GRIK5: variants seen among roughly 807,000 people sequenced by gnomAD.
GRIK5 encodes the protein glutamate receptor ionotropic, kainate 5.
In GRIK5, 43 loss-of-function variants were observed where a neutral mutation model predicts 97.4. That is an observed-to-expected ratio of 0.44 (90% CI 0.35 to 0.57). The LOEUF (loss-of-function observed/expected upper bound fraction) is 0.57, where lower values mean the gene tolerates loss of function less well. Among genes scored for constraint, GRIK5 ranks in the 20% least tolerant of loss-of-function variants. The pLI is 0.01. For synonymous variants in GRIK5, 580 were observed against 583.5 expected (o/e 0.99, Z 0.09); for missense variants, 1,015 against 1,382.0 (o/e 0.73, Z 4.21).
At chr19:42,056,525 T>C (rs983880036) in intron 8 of GRIK5, 137 bp downstream of exon 8, 2 of 681,462 alleles carry the variant, frequency 2.9e-6, no homozygotes, top group Non-Finnish European at 5.1e-6. Flanking sequence ...ATGGGTCCAA[T>C]GCATCACAAG....
intron 8 of GRIK5, among the ~76,000 whole-genome samples, chr19:42,054,825 G>A (rs959859829): frequency 5.3e-5 from 8 of 152,192 alleles, no homozygotes; most frequent in South Asian, 2.1e-4. Flanking sequence ...CATAGTCCCC[G>A]TCTGAGTGTG....
At chr19:42,040,436 G>A (rs1019526577) in intron 12 of GRIK5, among the ~76,000 whole-genome samples, 2 of 152,210 alleles carry the variant, frequency 1.3e-5, no homozygotes, top group African/African-American at 2.4e-5. Context: ...CTGAGCCTAC[G>A]TGACTAAAGA....
intron 11 of GRIK5, among the ~76,000 whole-genome samples, chr19:42,050,474 A>T (rs1254247608): frequency 1.3e-5 from 2 of 151,886 alleles, no homozygotes; most frequent in African/African-American, 4.8e-5. Flanking sequence ...CCTGGCTAAC[A>T]CGGTGAAACC....
intron 12 of GRIK5, among the ~76,000 whole-genome samples, chr19:42,028,039 C>T (rs987661394): frequency 6.6e-6 from 1 of 152,054 alleles, no homozygotes; most frequent in African/African-American, 2.4e-5. Context: ...TACTATGTTG[C>T]CCAGGCTGGT....
intron 19 of GRIK5, among the ~76,000 whole-genome samples, chr19:42,001,382 C>T (rs891532397): frequency 6.6e-6 from 1 of 152,174 alleles, no homozygotes; most frequent in Non-Finnish European, 1.5e-5. Flanking sequence ...GTGTCCACCA[C>T]CATATCTGGC....
In GRIK5 at chr19:42,065,508, G is replaced by A; in HGVS notation, c.80-121C>T. 9.0e-7 allele frequency: 1 copy of A among 1,107,654 alleles called. No individual in the cohort carries two copies. The highest frequency in any genetic ancestry group is 1.3e-6 in the Non-Finnish European group (1 of 787,406). The allele number at this position is 1,107,654 out of a possible 1,614,324, so 68.6% of individuals were successfully genotyped here. On this transcript the variant is annotated intron_variant, in intron 2 of 19. Transcript: ENST00000593562. The surrounding 1 kb of genome is among the most constrained non-coding windows in gnomAD (Gnocchi z 5.8). The stretch of plus-strand genomic sequence containing the variant: ...TACGGACCAGGGGTCTAGACACCTG[G>A]ATCTGAGGTTGGTGGGAGCTAGGGG...
chr19:42,041,690 C>T (rs900679163), intron 12 of GRIK5, among the ~76,000 whole-genome samples: 5 of 152,174 alleles, frequency 3.3e-5, no homozygotes, highest in South Asian at 2.1e-4. Context: ...GCTCAGGCCC[C>T]GCTGGTTCCT....
chr19:42,054,259 G>A (rs2076153323), intron 9 of GRIK5, 61 bp downstream of exon 9: 4 of 1,537,872 alleles, frequency 2.6e-6, no homozygotes, highest in Non-Finnish European at 3.5e-6. Context: ...TGGTCACAGT[G>A]AGCGCTCCCA....
chr19:42,012,034 G>C (rs1185091547), intron 15 of GRIK5, among the ~76,000 whole-genome samples: 1 of 152,120 alleles, frequency 6.6e-6, no homozygotes, highest in Non-Finnish European at 1.5e-5. Context: ...GAACAGATGG[G>C]ACAAATAGCA....
At chr19:42,058,123 G>A (rs2076211134) in intron 6 of GRIK5, among the ~76,000 whole-genome samples, 1 of 152,168 alleles carries the variant, frequency 6.6e-6, no homozygotes, top group South Asian at 2.1e-4. Context: ...CAAGAACCCA[G>A]TGGATTCTGT....
chr19:42,032,370 A>T (rs563388598), intron 12 of GRIK5, among the ~76,000 whole-genome samples: 1 of 152,352 alleles, frequency 6.6e-6, no homozygotes, highest in African/African-American at 2.4e-5. Flanking sequence ...TCACATTCTC[A>T]TGCACTTTGG....
chr19:42,016,283 T>C (rs763528848), intron 15 of GRIK5, among the ~76,000 whole-genome samples: 1 of 152,112 alleles, frequency 6.6e-6, no homozygotes, highest in Non-Finnish European at 1.5e-5. Context: ...TAGCCAGACG[T>C]GGTGGCTGGC....
At chr19:42,024,593 C>T (rs1323343949) in intron 12 of GRIK5, among the ~76,000 whole-genome samples, 2 of 152,188 alleles carry the variant, frequency 1.3e-5, no homozygotes, top group African/African-American at 4.8e-5. Context: ...CATACAGGTT[C>T]CTTGCCTGTC....
chr19:42,010,806 C>T (rs76497343), intron 15 of GRIK5, among the ~76,000 whole-genome samples: 5,256 of 152,182 alleles, frequency 0.035, 287 homozygotes, highest in African/African-American at 0.12. Flanking sequence ...AATTTCCTTA[C>T]GAAGCATTTA....
At chr19:42,041,722 T>A (rs2075979731) in intron 12 of GRIK5, among the ~76,000 whole-genome samples, 1 of 152,130 alleles carries the variant, frequency 6.6e-6, no homozygotes, top group South Asian at 2.1e-4. Flanking sequence ...CACTCCCTAG[T>A]ATCGCCCCAT....
Position 42,062,575 on chromosome 19 carries a change from T to G in GRIK5, c.421A>C (p.Ser141Arg). ...ACCGCCAAGCTGACGTCCTCGTTAC[T>G]GGGGTACAGGCTGACAGACGCGAAG... ...LRFASVSLYP[S>R]NEDVSLAVSR... The change falls in exon 5 of 20, where the codon AGT becomes CGT. Residue 141 changes from serine to arginine, a missense_variant. By Grantham distance (110) the Ser-to-Arg change is moderately radical. Around this residue, in one of 5 missense-constraint regions of GRIK5, gnomAD observed 198 missense variants for 218.2 expected, o/e 0.91. Transcript: ENST00000593562. The surrounding 1 kb of genome is among the most constrained non-coding windows in gnomAD (Gnocchi z 5.3). 1 of 1,614,168 alleles carries G rather than the reference T, an allele frequency of 6.2e-7. No individual in the cohort carries two copies. The highest frequency in any genetic ancestry group is 8.5e-7 in the Non-Finnish European group (1 of 1,180,008).
At chr19:42,046,111 G>T (rs1275325755) in intron 11 of GRIK5, among the ~76,000 whole-genome samples, 1 of 152,154 alleles carries the variant, frequency 6.6e-6, no homozygotes, top group African/African-American at 2.4e-5. Context: ...CTAGCCCAAG[G>T]CCACCCAGCT....
chr19:42,041,941 T>C (rs930799298), intron 12 of GRIK5, among the ~76,000 whole-genome samples: 2 of 152,130 alleles, frequency 1.3e-5, no homozygotes, highest in South Asian at 4.1e-4. Context: ...TGTGCTGTGG[T>C]CATTCACTGT....
At chr19:42,037,373 C>T (rs1425977503) in intron 12 of GRIK5, among the ~76,000 whole-genome samples, 4 of 152,126 alleles carry the variant, frequency 2.6e-5, no homozygotes, top group Non-Finnish European at 5.9e-5. Flanking sequence ...GCAGGAAAAT[C>T]GCTTGAACCC....
Sources: gnomAD v4.1 joint callset for allele counts (sites outside exome capture counted in the v4.1 genomes callset) on GRCh38, gnomAD v4.1.1 for gene constraint, gnomAD v4.1.1 regional missense constraint, Gnocchi (gnomAD v3.1) non-coding constraint, MANE v1.5 for transcripts, NCBI Gene and HGNC (gene_info 2026-07-23, HGNC 2026-07-21) for gene names.